FTCD: variants seen among roughly 807,000 people sequenced by gnomAD.
The protein encoded by FTCD is formimidoyltransferase-cyclodeaminase.
Under a neutral mutation model 62.9 loss-of-function variants are expected in FTCD, and 76 were observed. The observed-to-expected ratio is 1.21, with a 90% CI of 1.00 to 1.46. FTCD has a LOEUF of 1.46. Among genes scored for constraint, FTCD ranks in the 40% most tolerant of loss-of-function variants. The pLI is 0.00. For missense variants in FTCD, 845 were observed against 751.3 expected, an observed-to-expected ratio of 1.12 and a Z score of -1.46; for synonymous variants, 397 against 336.9, an observed-to-expected ratio of 1.18 and a Z score of -1.95.
At chr21:46,149,568 C>T (rs1042048913) in intron 7 of FTCD, among the ~76,000 whole-genome samples, 2 of 152,058 alleles carry the variant, frequency 1.3e-5, no homozygotes, top group African/African-American at 4.8e-5. Flanking sequence ...CGGACAGCGG[C>T]TCTGCAGTGA....
chr21:46,150,053 T>G (rs2079229229), intron 7 of FTCD, 66 bp downstream of exon 7: 1 of 1,412,110 alleles, frequency 7.1e-7, no homozygotes, highest in Admixed American at 1.8e-5. Flanking sequence ...GGCTGTGAGC[T>G]CCGCCACCGC....
chr21:46,137,472 C>T (rs573968063), intron 12 of FTCD, 138 bp from the exon 13 acceptor site: 94 of 741,682 alleles, frequency 1.3e-4, no homozygotes, highest in African/African-American at 4.6e-4. Flanking sequence ...CCCCCGCTTT[C>T]GCCCCACAGA....
At chr21:46,151,481 C>T (rs931508064) in intron 5 of FTCD, 77 bp downstream of exon 5, 4 of 1,368,352 alleles carry the variant, frequency 2.9e-6, no homozygotes, top group Non-Finnish European at 4.1e-6. Flanking sequence ...CACCGACCTC[C>T]CCGCCTGAGG....
At chr21:46,153,065 G>T (rs1194065108) in intron 2 of FTCD, 30 bp from the exon 3 acceptor site, 1 of 1,539,422 alleles carries the variant, frequency 6.5e-7, no homozygotes, top group Non-Finnish European at 8.7e-7. Flanking sequence ...CCGGGCAGGA[G>T]GCCAGGTGTG....
intron 13 of FTCD, 79 bp from the exon 14 acceptor site, chr21:46,137,152 C>T: frequency 1.3e-6 from 2 of 1,596,080 alleles, no homozygotes; most frequent in African/African-American, 1.3e-5. Context: ...CCGACCCCCA[C>T]TGCCCACAGC....
At chr21:46,138,222 G>A (rs1486977439) in intron 12 of FTCD, among the ~76,000 whole-genome samples, 1 of 152,194 alleles carries the variant, frequency 6.6e-6, no homozygotes, top group Non-Finnish European at 1.5e-5. Context: ...CAAGACAGTG[G>A]GGGTGATACA....
At position 46,145,443 on chromosome 21, in the gene FTCD, C is replaced by T. The variant is rs751878966; in HGVS notation, c.1234G>A (p.Asp412Asn). The T allele has an allele frequency of 5.8e-6, 9 of 1,557,040 alleles. No homozygotes were observed. The Admixed American group carries it at 9.4e-5, about 16-fold the overall frequency. Residue 412 changes from aspartate to asparagine, a missense_variant, in exon 10 of 14, where the codon GAC (aspartate) becomes AAC (asparagine). By Grantham distance (23) the Asp-to-Asn change is conservative. Transcript: ENST00000397746. The part of the protein sequence containing the change: ...SAKLTTLVDA[D>N]AEAFTAYLEA... ...AGGTAGGCGGTGAAGGCCTCGGCGT[C>T]GGCATCCACCAGCGTGGTTAGCTTG...
intron 3 of FTCD, chr21:46,152,699 G>A: frequency 9.3e-6 from 5 of 535,166 alleles, no homozygotes; most frequent in South Asian, 5.9e-5. Flanking sequence ...CTGCGGTGTA[G>A]TCTGAGGAGG....
intron 1 of FTCD, among the ~76,000 whole-genome samples, chr21:46,155,008 C>T (rs1171886239): frequency 1.3e-5 from 2 of 152,322 alleles, no homozygotes; most frequent in East Asian, 3.9e-4. Flanking sequence ...GTGCCTACTT[C>T]GTTTTGGGTC....
chr21:46,138,547 C>T lies in FTCD; in HGVS notation c.1404G>A (p.Leu468=), dbSNP rs1482378375. Reference sequence around the variant, plus strand: ...GGCAGGCCAGGTTCCCACACCGGGCCAGTTCCTGCAGGGCCGGCCACAGCG... The same window carrying T: ...GGCAGGCCAGGTTCCCACACCGGGCTAGTTCCTGCAGGGCCGGCCACAGCG... ...VASLWPALQE[L]ARCGNLACRS... is the part of the protein sequence containing the mutation. Residue 468 remains leucine (L), a synonymous_variant, in exon 12 of 14, where the codon CTG becomes CTA. Coordinates refer to ENST00000397746, the MANE Select transcript of FTCD (RefSeq NM_206965.2). 4 of 1,586,986 alleles carry T rather than the reference C, an allele frequency of 2.5e-6. No individual in the cohort carries two copies. The South Asian group carries it at 3.4e-5, about 13-fold the overall frequency.
intron 2 of FTCD, 64 bp from the exon 3 acceptor site, chr21:46,153,099 G>C: frequency 1.3e-6 from 2 of 1,499,220 alleles, no homozygotes; most frequent in Non-Finnish European, 1.8e-6. Context: ...GCTCCACGGG[G>C]TTCTCGGACC....
intron 8 of FTCD, 50 bp downstream of exon 8, chr21:46,146,216 G>A (rs1462282017): frequency 3.7e-6 from 5 of 1,350,508 alleles, no homozygotes; most frequent in Admixed American, 1.8e-5. Flanking sequence ...CAAGGCCCGA[G>A]AGGCAGAGCC....
At chr21:46,142,773 G>C (rs1319283364) in intron 10 of FTCD, 1 of 152,216 alleles carries the variant, frequency 6.6e-6, no homozygotes, top group Non-Finnish European at 1.5e-5. Flanking sequence ...CTGCTGATTG[G>C]TCCACTTTAC....
rs186251576 is a variant in FTCD at position 46,154,407 on chromosome 21, A to G, written c.55-75T>C. On this transcript the variant is annotated intron_variant, in intron 1 of 13. Transcript: ENST00000397746. ...GGAAAAGGAGCTTGGAGGTGGCTGC[A>G]CCCCGAGACACAAATGGGGGCTGAG... 2.2e-4 allele frequency: 332 copies of G among 1,495,604 alleles called. 4 individuals carry two copies. In the East Asian group the frequency reaches 6.9e-3, roughly 31 times the overall value. 92.6% of individuals were successfully genotyped at this position (1,495,604 alleles called of 1,614,324 possible).
At position 46,150,780 on chromosome 21, in the gene FTCD, T is replaced by C. The variant is rs548940046; in HGVS notation, c.637-255A>G. ...GCAGGCCCCCGCCCAGCCTAGGCCC[T>C]GCCTTCCAGCCACGCTGTGTCCTAG... On this transcript the variant is annotated intron_variant, in intron 5 of 13. Transcript: ENST00000397746. 2.0e-5 allele frequency among the ~76,000 whole-genome samples: 3 copies of C among 152,370 alleles called. No homozygotes were observed. The South Asian group carries it at 6.2e-4, about 32-fold the overall frequency.
chr21:46,151,884 G>T lies in FTCD; in HGVS notation c.456+8C>A, dbSNP rs759818287. On this transcript the variant is annotated splice_region_variant and intron_variant, in intron 4 of 13. Transcript: ENST00000397746. ...CTTCCCAGGCCCGACCGCCCGGGGT[G>T]GGGGCACCTTCTTAGGGAGGGCCTC... 1.3e-6 allele frequency: 2 copies of T among 1,557,452 alleles called. No homozygotes were observed. The highest frequency in any genetic ancestry group is 2.3e-5 in the South Asian group (2 of 85,494).
At position 46,154,032 on chromosome 21, in the gene FTCD, T is replaced by C. The variant is rs1601355431; in HGVS notation, c.238+117A>G. The C allele has an allele frequency of 3.8e-6, 4 of 1,057,788 alleles. No homozygotes were observed. The East Asian group carries it at 7.2e-5, about 19-fold the overall frequency. The allele number at this position is 1,057,788 out of a possible 1,614,324, so 65.5% of individuals were successfully genotyped here. On this transcript the variant is annotated intron_variant, in intron 2 of 13. Transcript: ENST00000397746. ...CTAGGAGAGCCAGAGCCAGCCCCACTGGACCCCACGTTCCAAGCCTGGGCC... is the reference window on the plus strand; with the variant it reads ...CTAGGAGAGCCAGAGCCAGCCCCACCGGACCCCACGTTCCAAGCCTGGGCC...
Position 46,150,133 on chromosome 21 carries a change from GCTC to G in FTCD, c.889_891del (p.Glu297del). ...GCCCGGCCCACCAGCCTGATCCGCT[GCTC>G]CTCCTCCAGGATGAAGAGGTTCTCC... is the stretch of plus-strand genomic sequence containing the variant. On this transcript the variant is annotated inframe_deletion, in exon 7 of 14. Coordinates refer to ENST00000397746, the MANE Select transcript of FTCD (RefSeq NM_206965.2). 1 of 1,611,086 alleles carries G rather than the reference GCTC, an allele frequency of 6.2e-7. No individual in the cohort carries two copies. The highest frequency in any genetic ancestry group is 8.5e-7 in the Non-Finnish European group (1 of 1,179,400).
chr21:46,153,916 G>A (rs575305238), intron 2 of FTCD, among the ~76,000 whole-genome samples: 24 of 152,070 alleles, frequency 1.6e-4, no homozygotes, highest in East Asian at 1.6e-3. Flanking sequence ...AAGGTGGCCC[G>A]GTGCTGTGGG....
Sources: allele counts gnomAD v4.1 joint callset (sites outside exome capture counted in the v4.1 genomes callset), GRCh38; gene constraint gnomAD v4.1.1; transcripts MANE v1.5; gene names NCBI Gene and HGNC (gene_info 2026-07-23, HGNC 2026-07-21).